Variants in DTD1 observed in about 807,000 individuals in gnomAD.
DTD1 encodes the protein D-aminoacyl-tRNA deacylase 1.
In DTD1, 13 loss-of-function variants were observed where a neutral mutation model predicts 25.6. The ratio of observed to expected loss-of-function variants is 0.51; its 90% CI spans 0.33 to 0.81. The LOEUF is 0.81. Among genes scored for constraint, DTD1 ranks in the 30% least tolerant of loss-of-function variants. The pLI, the probability that DTD1 is intolerant of heterozygous loss-of-function variation, is 0.02. For synonymous variants in DTD1, 110 were observed against 103.6 expected (o/e 1.06, Z -0.37); for missense variants, 193 against 266.4 (o/e 0.72, Z 1.92).
At chr20:18,671,476 T>G (rs1479779819) in intron 4 of DTD1, among the ~76,000 whole-genome samples, 2 of 152,206 alleles carry the variant, frequency 1.3e-5, no homozygotes, top group Non-Finnish European at 2.9e-5. Flanking sequence ...GTTATTCCAC[T>G]TTTAAAGCAT....
At chr20:18,649,014 A>AT (rs1274241448) in intron 4 of DTD1, among the ~76,000 whole-genome samples, 2 of 150,838 alleles carry the variant, frequency 1.3e-5, no homozygotes, top group Non-Finnish European at 3.0e-5. Flanking sequence ...AAAAAAAAAA[A>AT]AAAAAGCAAA....
intron 4 of DTD1, among the ~76,000 whole-genome samples, chr20:18,706,052 A>G (rs1325118774): frequency 6.6e-6 from 1 of 152,226 alleles, no homozygotes; most frequent in African/African-American, 2.4e-5. Context: ...GATAAAGAGG[A>G]TAAATGATAA....
chr20:18,625,018 C>A (rs1162439271), intron 3 of DTD1, among the ~76,000 whole-genome samples: 1 of 152,322 alleles, frequency 6.6e-6, no homozygotes, highest in South Asian at 2.1e-4. Flanking sequence ...GTCCTCCAAT[C>A]CTTCTTGCTA....
intron 4 of DTD1, among the ~76,000 whole-genome samples, chr20:18,723,143 G>A (rs555180086): frequency 1.8e-4 from 27 of 152,322 alleles, no homozygotes; most frequent in Non-Finnish European, 3.2e-4. Flanking sequence ...GCTGTCCTGT[G>A]CGTTGTTGGA....
At chr20:18,708,253 T>A (rs1217587966) in intron 4 of DTD1, among the ~76,000 whole-genome samples, 7 of 13,158 alleles carry the variant, frequency 5.3e-4, no homozygotes, top group East Asian at 2.6e-3. Context: ...TAATATATAT[T>A]ATATATATAT....
At chr20:18,603,630 C>G (rs2122260749) in intron 3 of DTD1, among the ~76,000 whole-genome samples, 1 of 108,024 alleles carries the variant, frequency 9.3e-6, no homozygotes, top group East Asian at 2.3e-4. Context: ...TCACTCAAAG[C>G]CGCTCAACTA....
intron 4 of DTD1, among the ~76,000 whole-genome samples, chr20:18,743,536 A>C (rs1487522305): frequency 6.6e-6 from 1 of 151,882 alleles, no homozygotes; most frequent in Non-Finnish European, 1.5e-5. Context: ...TCTACAGAAA[A>C]ATTGGCATGC....
chr20:18,761,749 G>A (rs913025510), intron 5 of DTD1, among the ~76,000 whole-genome samples: 3 of 152,202 alleles, frequency 2.0e-5, no homozygotes, highest in African/African-American at 7.2e-5. Flanking sequence ...TCAATGTGGG[G>A]AACAATTACA....
intron 4 of DTD1, among the ~76,000 whole-genome samples, chr20:18,699,262 C>T (rs1209304614): frequency 2.0e-5 from 3 of 152,204 alleles, no homozygotes; most frequent in Non-Finnish European, 2.9e-5. Flanking sequence ...GGTTTTCCCA[C>T]CTGAGGCAGC....
intron 4 of DTD1, among the ~76,000 whole-genome samples, chr20:18,641,189 T>A (rs1001383611): frequency 2.6e-5 from 4 of 152,338 alleles, no homozygotes; most frequent in Admixed American, 2.6e-4. Context: ...AGTTTTCTTT[T>A]TATGGCCACA....
At chr20:18,645,028 G>T (rs1229917824) in intron 4 of DTD1, among the ~76,000 whole-genome samples, 1 of 152,150 alleles carries the variant, frequency 6.6e-6, no homozygotes, top group Non-Finnish European at 1.5e-5. Flanking sequence ...GTGCACGTTT[G>T]TAGTCCCAGC....
At chr20:18,708,252 T>TTATATATATTATATA (rs2061138761) in intron 4 of DTD1, among the ~76,000 whole-genome samples, 1 of 31,794 alleles carries the variant, frequency 3.1e-5, no homozygotes, top group Non-Finnish European at 4.9e-5. Context: ...ATAATATATA[T>TTATATATATTATATA]TATATATATA....
intron 4 of DTD1, among the ~76,000 whole-genome samples, chr20:18,706,110 G>A (rs2061125593): frequency 1.3e-5 from 2 of 152,344 alleles, no homozygotes; most frequent in South Asian, 4.1e-4. Flanking sequence ...AGATTCAGCA[G>A]TTGTTGGTTC....
chr20:18,641,448 A>G (rs570363742), intron 4 of DTD1, among the ~76,000 whole-genome samples: 109 of 152,306 alleles, frequency 7.2e-4, no homozygotes, highest in African/African-American at 2.5e-3. Flanking sequence ...ACCATTTTAC[A>G]TTCCTACCGG....
intron 5 of DTD1, among the ~76,000 whole-genome samples, chr20:18,756,852 ACC>A (rs1229808725): frequency 1.3e-5 from 2 of 151,890 alleles, no homozygotes; most frequent in Admixed American, 1.3e-4. Flanking sequence ...TCTATAAATA[ACC>A]TTGGGCAGTA....
At chr20:18,615,104 C>T (rs944039858) in intron 3 of DTD1, among the ~76,000 whole-genome samples, 1 of 152,130 alleles carries the variant, frequency 6.6e-6, no homozygotes, top group East Asian at 1.9e-4. Flanking sequence ...CCCTTCAGAC[C>T]AGGCCTGGAA....
intron 3 of DTD1, among the ~76,000 whole-genome samples, chr20:18,601,164 G>A (rs766363761): frequency 2.0e-5 from 3 of 152,088 alleles, no homozygotes; most frequent in Admixed American, 6.6e-5. Context: ...TAAGTATGAC[G>A]TTTGCTGTAG....
At chr20:18,631,715 G>A in intron 4 of DTD1, 4 of 985,012 alleles carry the variant, frequency 4.1e-6, no homozygotes, top group Non-Finnish European at 4.8e-6. Context: ...ATTCTCTCTG[G>A]GTTTTTGTCT....
intron 4 of DTD1, among the ~76,000 whole-genome samples, chr20:18,656,471 G>A (rs2060892070): frequency 6.6e-6 from 1 of 152,174 alleles, no homozygotes; most frequent in Non-Finnish European, 1.5e-5. Context: ...TCACCACCTG[G>A]TGACAGAGGA....
Sources: gnomAD v4.1 joint callset for allele counts (sites outside exome capture counted in the v4.1 genomes callset) on GRCh38, gnomAD v4.1.1 for gene constraint, MANE v1.5 for transcripts, NCBI Gene and HGNC (gene_info 2026-07-23, HGNC 2026-07-21) for gene names.